SCAPER: variants seen among roughly 807,000 people sequenced by gnomAD.
The protein encoded by SCAPER is S phase cyclin A-associated protein in the endoplasmic reticulum.
SCAPER carries 98 observed loss-of-function variants against 182.2 expected under a neutral mutation model. That is an observed-to-expected ratio of 0.54 (90% CI 0.46 to 0.64). The LOEUF (loss-of-function observed/expected upper bound fraction) is 0.64. SCAPER is among the 30% of genes least tolerant of loss of function. SCAPER has a pLI of 0.00. For synonymous variants in SCAPER, 605 were observed against 564.6 expected (o/e 1.07, Z -1.01); for missense variants, 1,432 against 1,690.0 (o/e 0.85, Z 2.68).
intron 27 of SCAPER, among the ~76,000 whole-genome samples, chr15:76,402,484 T>C (rs1177867207): frequency 6.6e-6 from 1 of 152,150 alleles, no homozygotes; most frequent in Non-Finnish European, 1.5e-5. Context: ...TTCCTTCCAC[T>C]TGTCTTGGAT....
At chr15:76,653,009 A>T (rs549175887) in intron 21 of SCAPER, among the ~76,000 whole-genome samples, 1 of 152,332 alleles carries the variant, frequency 6.6e-6, no homozygotes, top group African/African-American at 2.4e-5. Context: ...AGAATTGATA[A>T]ATGACATTAG....
intron 17 of SCAPER, among the ~76,000 whole-genome samples, chr15:76,726,579 A>AAGGT (rs2060612976): frequency 6.6e-6 from 1 of 152,070 alleles, no homozygotes; most frequent in Non-Finnish European, 1.5e-5. Context: ...CAATAGTCAA[A>AAGGT]AGGTAGAAGC....
chr15:76,710,786 C>A (rs556302541), intron 17 of SCAPER, among the ~76,000 whole-genome samples: 1 of 152,020 alleles, frequency 6.6e-6, no homozygotes, highest in Non-Finnish European at 1.5e-5. Context: ...GGAAAGGCAA[C>A]TTTGAAAAAG....
chr15:76,640,130 G>C (rs1475234923), intron 21 of SCAPER, among the ~76,000 whole-genome samples: 1 of 152,168 alleles, frequency 6.6e-6, no homozygotes, highest in Non-Finnish European at 1.5e-5. Flanking sequence ...TACTGCTGGA[G>C]TTGCATTACA....
intron 11 of SCAPER, 119 bp from the exon 12 acceptor site, chr15:76,765,757 T>A: frequency 1.2e-6 from 1 of 846,630 alleles, no homozygotes; most frequent in Admixed American, 2.4e-5. Flanking sequence ...AACCAACAGT[T>A]GAAAACCAGG....
At chr15:76,446,702 G>A (rs968749263) in intron 25 of SCAPER, among the ~76,000 whole-genome samples, 2 of 152,146 alleles carry the variant, frequency 1.3e-5, no homozygotes, top group Non-Finnish European at 2.9e-5. Flanking sequence ...AGTTTAAAGA[G>A]GCAGTTATGT....
intron 5 of SCAPER, among the ~76,000 whole-genome samples, chr15:76,836,238 A>C (rs917514200): frequency 1.3e-5 from 2 of 152,158 alleles, no homozygotes; most frequent in African/African-American, 4.8e-5. Flanking sequence ...CCTCATGTGG[A>C]ACCAAAAAAG....
rs201017611 is a variant in SCAPER at position 76,657,712 on chromosome 15, ACC to A, written c.2645+7939_2645+7940del. On this transcript the variant is annotated intron_variant, in intron 21 of 31. Coordinates refer to ENST00000563290, the MANE Select transcript of SCAPER (RefSeq NM_020843.4). ...AACCCAGCAACACATCAAAAAACTA[ACC>A]CACTATGATCAAATAGACTTTATCC... Among the ~76,000 whole-genome samples the A allele has an allele frequency of 3.0e-4, 46 of 152,238 alleles. 1 individual carries two copies. The East Asian group carries it at 8.7e-3, about 29-fold the overall frequency.
chr15:76,801,082 GTCTT>G (rs1049693276), intron 6 of SCAPER, among the ~76,000 whole-genome samples: 17 of 152,106 alleles, frequency 1.1e-4, no homozygotes, highest in Admixed American at 4.6e-4. Context: ...GTATTTCATT[GTCTT>G]TGTTTTTTAA....
At chr15:76,465,313 G>T (rs1434061022) in intron 25 of SCAPER, among the ~76,000 whole-genome samples, 1 of 152,104 alleles carries the variant, frequency 6.6e-6, no homozygotes, top group Non-Finnish European at 1.5e-5. Flanking sequence ...GGGCAAGGCA[G>T]CTCTCTGGGG....
At chr15:76,462,221 C>T (rs1111257) in intron 25 of SCAPER, among the ~76,000 whole-genome samples, 10,667 of 152,206 alleles carry the variant, frequency 0.07, 414 homozygotes, top group Middle Eastern at 0.11. Context: ...ACTTACCCAA[C>T]GCTGTTCCTT....
At chr15:76,748,637 C>T (rs562426434) in intron 15 of SCAPER, among the ~76,000 whole-genome samples, 2 of 149,604 alleles carry the variant, frequency 1.3e-5, no homozygotes, top group African/African-American at 4.9e-5. Flanking sequence ...ACAAGGAACT[C>T]GTATAACTGA....
intron 20 of SCAPER, among the ~76,000 whole-genome samples, chr15:76,688,634 T>C (rs2058169071): frequency 6.6e-6 from 1 of 152,148 alleles, no homozygotes; most frequent in Non-Finnish European, 1.5e-5. Context: ...GGGTGCACTT[T>C]CAATTTTCTG....
chr15:76,860,405 G>A (rs560504057), intron 3 of SCAPER, among the ~76,000 whole-genome samples: 22 of 152,174 alleles, frequency 1.4e-4, no homozygotes, highest in Admixed American at 4.6e-4. Context: ...TAGTTTTTGT[G>A]ATTCAAAACA....
rs550471994 is a variant in SCAPER at position 76,573,500 on chromosome 15, T to C, written c.2838+658A>G. The stretch of plus-strand genomic sequence containing the variant: ...GAAACCACCTAAATATTATACATTA[T>C]GTAAAATGTGATATGTTCATTCCAT... On this transcript the variant is annotated intron_variant, in intron 23 of 31. Coordinates refer to ENST00000563290, the MANE Select transcript of SCAPER (RefSeq NM_020843.4). Among the ~76,000 whole-genome samples, 16 of 152,220 alleles carry C rather than the reference T, an allele frequency of 1.1e-4. No homozygotes were observed. In the South Asian group the frequency reaches 2.1e-3, roughly 20 times the overall value.
intron 27 of SCAPER, among the ~76,000 whole-genome samples, chr15:76,404,306 T>C (rs2044669215): frequency 6.6e-6 from 1 of 151,952 alleles, no homozygotes; most frequent in African/African-American, 2.4e-5. Flanking sequence ...GTCAAATTTA[T>C]GACACCAACA....
At chr15:76,732,479 G>C (rs1201788115) in intron 16 of SCAPER, among the ~76,000 whole-genome samples, 5 of 152,192 alleles carry the variant, frequency 3.3e-5, no homozygotes, top group African/African-American at 9.6e-5. Flanking sequence ...ACAAGAGTGA[G>C]AGCCTTCTGT....
intron 17 of SCAPER, among the ~76,000 whole-genome samples, chr15:76,722,004 CA>C (rs1270634514): frequency 6.6e-6 from 1 of 152,136 alleles, no homozygotes; most frequent in African/African-American, 2.4e-5. Context: ...TGTCTTGTGC[CA>C]GTTTTCAAAG....
At chr15:76,576,463 T>G (rs554591000) in intron 22 of SCAPER, among the ~76,000 whole-genome samples, 76 of 152,282 alleles carry the variant, frequency 5.0e-4, no homozygotes, top group Middle Eastern at 3.4e-3. Context: ...TTATCCCTAT[T>G]TGAAAAACGC....
Sources: allele counts gnomAD v4.1 joint callset (sites outside exome capture counted in the v4.1 genomes callset), GRCh38; gene constraint gnomAD v4.1.1; transcripts MANE v1.5; gene names NCBI Gene and HGNC (gene_info 2026-07-23, HGNC 2026-07-21).